The following DLG1 variants were observed in gnomAD, a reference collection of about 807,000 sequenced individuals.
DLG1 encodes disks large homolog 1.
Under a neutral mutation model 123.4 loss-of-function variants are expected in DLG1, and 42 were observed. The ratio of observed to expected loss-of-function variants is 0.34; its 90% CI spans 0.27 to 0.44. The LOEUF (loss-of-function observed/expected upper bound fraction) is 0.44, where lower values mean the gene tolerates loss of function less well. Ranked by LOEUF, DLG1 falls within the 20% of genes least tolerant of loss-of-function variation. The pLI is 1.00. For missense variants in DLG1, 942 were observed against 1,082.6 expected (o/e 0.87, Z 1.82); for synonymous variants, 317 against 356.2 (o/e 0.89, Z 1.24).
chr3:197,056,757 T>G (rs1293915053), intron 23 of DLG1, among the ~76,000 whole-genome samples: 1 of 152,216 alleles, frequency 6.6e-6, no homozygotes, highest in Non-Finnish European at 1.5e-5. Flanking sequence ...TGTACCTGTA[T>G]ACTTAGGTCA....
At chr3:197,200,879 T>C (rs1166106583) in intron 4 of DLG1, among the ~76,000 whole-genome samples, 1 of 152,114 alleles carries the variant, frequency 6.6e-6, no homozygotes, top group South Asian at 2.1e-4. Context: ...GTCAACATTA[T>C]AGTTAATGGG....
intron 17 of DLG1, 135 bp from the exon 18 acceptor site, chr3:197,076,820 C>A: frequency 2.2e-6 from 1 of 462,356 alleles, no homozygotes. Flanking sequence ...ACTTTAATCT[C>A]ATATAAAGTG....
At chr3:197,229,117 C>T (rs1303378108) in intron 4 of DLG1, among the ~76,000 whole-genome samples, 1 of 152,134 alleles carries the variant, frequency 6.6e-6, no homozygotes, top group Non-Finnish European at 1.5e-5. Flanking sequence ...CATTTTATAA[C>T]AACACACTGG....
At chr3:197,179,153 A>G (rs1257252966) in intron 5 of DLG1, among the ~76,000 whole-genome samples, 3 of 152,218 alleles carry the variant, frequency 2.0e-5, no homozygotes, top group Non-Finnish European at 2.9e-5. Flanking sequence ...GAGTTGGTAT[A>G]GAGAAGGCAG....
chr3:197,278,738 T>TAA (rs553884626), intron 4 of DLG1, among the ~76,000 whole-genome samples: 1 of 143,276 alleles, frequency 7.0e-6, no homozygotes, highest in African/African-American at 2.6e-5. Flanking sequence ...TCAGTGAACT[T>TAA]AAAAAAAAAA....
At chr3:197,044,809 G>T in intron 24 of DLG1, 80 bp from the exon 25 acceptor site, 1 of 823,940 alleles carries the variant, frequency 1.2e-6, no homozygotes, top group Non-Finnish European at 1.8e-6. Context: ...AATAGTAGAA[G>T]CTAGTATCTT....
intron 3 of DLG1, among the ~76,000 whole-genome samples, chr3:197,292,803 G>A (rs767695638): frequency 1.4e-4 from 22 of 152,156 alleles, no homozygotes; most frequent in Non-Finnish European, 2.5e-4. Context: ...ATTTATTGCA[G>A]ACAAAATATA....
Position 197,076,700 on chromosome 3 carries a change from G to A in DLG1, c.1906-15C>T, listed in dbSNP as rs199510682. On this transcript the variant is annotated splice_polypyrimidine_tract_variant and intron_variant, in intron 17 of 24. Transcript: ENST00000667157. ...TTGAATGACTGCTGAAGAAGAGAAG[G>A]AGGGGCAAAACAAAGGGATGTCTAC... The A allele has an allele frequency of 6.9e-6, 11 of 1,602,560 alleles. No homozygotes were observed. The highest frequency in any genetic ancestry group is 8.5e-6 in the Non-Finnish European group (10 of 1,170,380).
chr3:197,245,427 G>A lies in DLG1; in HGVS notation c.318+37252C>T, dbSNP rs188333685. Among the ~76,000 whole-genome samples, 18 of 152,212 alleles carry A rather than the reference G, an allele frequency of 1.2e-4. 1 individual carries two copies. The highest frequency in any genetic ancestry group is 5.9e-4 in the Admixed American group (9 of 15,288). Reference sequence around the variant, plus strand: ...TTGGTATAATCAATTTGGATACTTCGGAGTGGCCTTAATCTTGGGTTTCTT... The same window carrying A: ...TTGGTATAATCAATTTGGATACTTCAGAGTGGCCTTAATCTTGGGTTTCTT... On this transcript the variant is annotated intron_variant, in intron 4 of 24. Transcript: ENST00000667157.
rs965866660 is a variant in DLG1, at chr3:197,210,798, TAG to T, written c.319-16211_319-16210del. On this transcript the variant is annotated intron_variant, in intron 4 of 24. Coordinates refer to ENST00000667157, the MANE Select transcript of DLG1 (RefSeq NM_001366207.1). ...AATTTTACATAATTCTTTCAATAAATAGAGTGAACATCTCCCAACTATGAGAT... is the reference window on the plus strand; with the variant it reads ...AATTTTACATAATTCTTTCAATAAATAGTGAACATCTCCCAACTATGAGAT... Among the ~76,000 whole-genome samples, 58 of 144,930 alleles carry T rather than the reference TAG, an allele frequency of 4.0e-4. 3 individuals are homozygous for T. Among genetic ancestry groups the T allele is most frequent in the African/African-American group, 1.3e-3 (53 of 41,102 alleles).
chr3:197,190,668 G>A (rs1718828590), intron 5 of DLG1, among the ~76,000 whole-genome samples: 1 of 152,072 alleles, frequency 6.6e-6, no homozygotes, highest in Non-Finnish European at 1.5e-5. Context: ...TCCCAAGATT[G>A]ATCACCTTGC....
chr3:197,078,868 G>C (rs1272238440), intron 17 of DLG1, among the ~76,000 whole-genome samples: 1 of 152,142 alleles, frequency 6.6e-6, no homozygotes, highest in Admixed American at 6.5e-5. Flanking sequence ...GTCAGAGTCA[G>C]TTTCACAGCA....
At position 197,292,990 on chromosome 3, in the gene DLG1, C is replaced by T. The variant is rs542250507; in HGVS notation, c.151+3356G>A. 1.6e-3 allele frequency among the ~76,000 whole-genome samples: 243 copies of T among 152,240 alleles called. 1 individual carries two copies. Among genetic ancestry groups the T allele is most frequent in the Admixed American group, 3.4e-3 (52 of 15,292 alleles). Reference sequence around the variant, plus strand: ...CAGTGTCATCTCAGATCCCACACACCTTAGAATCATGAATGAACTGAAACC... The same window carrying T: ...CAGTGTCATCTCAGATCCCACACACTTTAGAATCATGAATGAACTGAAACC... On this transcript the variant is annotated intron_variant, in intron 3 of 24. Coordinates refer to ENST00000667157, the MANE Select transcript of DLG1 (RefSeq NM_001366207.1).
rs77798655 is a variant in DLG1 at position 197,058,538 on chromosome 3, T to C, written c.2483+1351A>G. On this transcript the variant is annotated intron_variant, in intron 23 of 24. Transcript: ENST00000667157. ...CAAATACATGAGGATTTTCTAGTTA[T>C]CTTTTAATTATTGGTTTCCATTTAA... Among the ~76,000 whole-genome samples the C allele has an allele frequency of 2.6e-5, 4 of 152,370 alleles. No individual in the cohort carries two copies. In the East Asian group the frequency reaches 7.7e-4, roughly 29 times the overall value.
intron 5 of DLG1, among the ~76,000 whole-genome samples, chr3:197,158,867 C>T (rs1311777447): frequency 2.0e-5 from 3 of 152,088 alleles, no homozygotes; most frequent in Non-Finnish European, 4.4e-5. Context: ...GCATTTTCAA[C>T]AATACTTTAA....
At chr3:197,057,740 G>C (rs1227933486) in intron 23 of DLG1, among the ~76,000 whole-genome samples, 1 of 151,988 alleles carries the variant, frequency 6.6e-6, no homozygotes, top group African/African-American at 2.4e-5. Flanking sequence ...TTCCTGTCAG[G>C]CTGCCTCTGT....
rs1354149750 is a variant in DLG1, at chr3:197,051,624, A to T, written c.2528T>A (p.Phe843Tyr). The change falls in exon 24 of 25, where the codon TTT (phenylalanine) becomes TAT (tyrosine). Residue 843 changes from phenylalanine (F) to tyrosine (Y), a missense_variant. Physicochemically the swap from Phe to Tyr is conservative, Grantham distance 22 (BLOSUM62 3). Coordinates refer to ENST00000667157, the MANE Select transcript of DLG1 (RefSeq NM_001366207.1). ...RLTEEQARKT[F>Y]ERAMKLEQEF... Reference sequence around the variant, plus strand: ...CTGTTCCAGTTTCATGGCTCTCTCAAATGTTTTTCTGGCTTGTTCTTCTGT... The same window carrying T: ...CTGTTCCAGTTTCATGGCTCTCTCATATGTTTTTCTGGCTTGTTCTTCTGT... 6.2e-7 allele frequency: 1 copy of T among 1,613,802 alleles called. No homozygotes were observed. The highest frequency in any genetic ancestry group is 1.3e-5 in the African/African-American group (1 of 74,852).
At chr3:197,078,757 T>G (rs1471335476) in intron 17 of DLG1, among the ~76,000 whole-genome samples, 1 of 152,246 alleles carries the variant, frequency 6.6e-6, no homozygotes, top group Non-Finnish European at 1.5e-5. Context: ...TTTTCGTTCA[T>G]AAGAATCAAT....
At chr3:197,118,901 G>A (rs1203666702) in intron 12 of DLG1, among the ~76,000 whole-genome samples, 2 of 152,152 alleles carry the variant, frequency 1.3e-5, no homozygotes, top group African/African-American at 4.8e-5. Context: ...TACCTAGGGA[G>A]GCAGATACGG....
Sources: gnomAD v4.1 joint callset for allele counts (sites outside exome capture counted in the v4.1 genomes callset) on GRCh38, gnomAD v4.1.1 for gene constraint, MANE v1.5 for transcripts, NCBI Gene and HGNC (gene_info 2026-07-23, HGNC 2026-07-21) for gene names.